The following CNTN5 variants were observed in gnomAD, a reference collection of about 807,000 sequenced individuals.
CNTN5 encodes the protein contactin 5.
Under a neutral mutation model 129.1 loss-of-function variants are expected in CNTN5, and 77 were observed. That is an observed-to-expected ratio of 0.60 (90% CI 0.50 to 0.72). The LOEUF (loss-of-function observed/expected upper bound fraction) is 0.72, where lower values mean the gene tolerates loss of function less well. Among genes scored for constraint, CNTN5 ranks in the 30% least tolerant of loss-of-function variants. CNTN5 has a pLI of 0.00. For synonymous variants in CNTN5, 509 were observed against 465.6 expected, an observed-to-expected ratio of 1.09 and a Z score of -1.20; for missense variants, 1,478 against 1,328.8, an observed-to-expected ratio of 1.11 and a Z score of -1.75.
At chr11:99,954,254 G>GT (rs1368321656) in intron 7 of CNTN5, among the ~76,000 whole-genome samples, 1 of 152,190 alleles carries the variant, frequency 6.6e-6, no homozygotes, top group Non-Finnish European at 1.5e-5. Flanking sequence ...TAGATGCACA[G>GT]TATATCTCAA....
chr11:99,274,271 A>G (rs949957415), intron 1 of CNTN5, among the ~76,000 whole-genome samples: 3 of 151,766 alleles, frequency 2.0e-5, no homozygotes, highest in Admixed American at 6.6e-5. Flanking sequence ...TGAATCTATG[A>G]TATCGTGGTG....
chr11:100,263,007 A>T (rs1950235580), intron 17 of CNTN5, among the ~76,000 whole-genome samples: 1 of 152,174 alleles, frequency 6.6e-6, no homozygotes, highest in South Asian at 2.1e-4. Flanking sequence ...AGATGTTTGC[A>T]TTATAGTTGC....
At chr11:99,991,832 C>A (rs1939120725) in intron 8 of CNTN5, among the ~76,000 whole-genome samples, 1 of 152,104 alleles carries the variant, frequency 6.6e-6, no homozygotes, top group Non-Finnish European at 1.5e-5. Flanking sequence ...AAAGTTTCAA[C>A]CTCAGCTGCC....
intron 6 of CNTN5, among the ~76,000 whole-genome samples, chr11:99,871,117 T>C (rs1948493338): frequency 6.6e-6 from 1 of 152,064 alleles, no homozygotes; most frequent in South Asian, 2.1e-4. Flanking sequence ...AATTTCACAG[T>C]TACATGTTAT....
At chr11:99,679,062 A>G (rs1285212510) in intron 3 of CNTN5, among the ~76,000 whole-genome samples, 1 of 147,164 alleles carries the variant, frequency 6.8e-6, no homozygotes, top group Non-Finnish European at 1.5e-5. Flanking sequence ...ATATACTTAT[A>G]TATGTCTTCT....
chr11:99,723,218 T>TC lies in CNTN5; in HGVS notation c.56-96324dup, dbSNP rs545441251. On this transcript the variant is annotated intron_variant, in intron 3 of 24. Coordinates refer to ENST00000524871, the MANE Select transcript of CNTN5 (RefSeq NM_014361.4). ...CTCCCTTCCTCCCTTTATTATCGATTCCACTTTGGGAAAAAAAAATCCACA... is the reference window on the plus strand; with the variant it reads ...CTCCCTTCCTCCCTTTATTATCGATTCCCACTTTGGGAAAAAAAAATCCACA... 2.6e-3 allele frequency among the ~76,000 whole-genome samples: 378 copies of TC among 147,088 alleles called. 2 individuals are homozygous for TC. The highest frequency in any genetic ancestry group is 7.8e-3 in the African/African-American group (323 of 41,226).
chr11:99,356,039 G>T (rs1280193182), intron 2 of CNTN5, among the ~76,000 whole-genome samples: 1 of 151,820 alleles, frequency 6.6e-6, no homozygotes, highest in African/African-American at 2.4e-5. Flanking sequence ...TGTTAGCCAG[G>T]ATGGTCTCAA....
At chr11:99,673,563 A>G (rs1008940372) in intron 3 of CNTN5, among the ~76,000 whole-genome samples, 12 of 152,078 alleles carry the variant, frequency 7.9e-5, no homozygotes, top group African/African-American at 2.9e-4. Flanking sequence ...CCTTGTATCC[A>G]CTAGTTATTT....
chr11:100,330,057 C>T (rs1327125034), intron 21 of CNTN5, among the ~76,000 whole-genome samples: 1 of 151,998 alleles, frequency 6.6e-6, no homozygotes, highest in Non-Finnish European at 1.5e-5. Context: ...AGGTGAAGGC[C>T]AACTTAAAGT....
chr11:100,215,290 A>G (rs1949115098), intron 15 of CNTN5, among the ~76,000 whole-genome samples: 1 of 151,720 alleles, frequency 6.6e-6, no homozygotes, highest in Non-Finnish European at 1.5e-5. Context: ...TCAGTACCTC[A>G]CTTTTTCCAC....
chr11:99,670,405 T>A (rs894042529), intron 3 of CNTN5, among the ~76,000 whole-genome samples: 8 of 152,152 alleles, frequency 5.3e-5, no homozygotes. Context: ...GCTGTCAACA[T>A]TTCTCACCTT....
intron 1 of CNTN5, among the ~76,000 whole-genome samples, chr11:99,211,615 C>G (rs983474302): frequency 2.0e-5 from 3 of 149,890 alleles, no homozygotes; most frequent in African/African-American, 7.3e-5. Context: ...AGTTTCTTCT[C>G]TTTTTTTAAT....
intron 1 of CNTN5, among the ~76,000 whole-genome samples, chr11:99,312,291 A>C (rs1274634455): frequency 6.6e-6 from 1 of 152,192 alleles, no homozygotes; most frequent in Non-Finnish European, 1.5e-5. Flanking sequence ...CACCGGGGTT[A>C]AAGACAACAT....
intron 1 of CNTN5, among the ~76,000 whole-genome samples, chr11:99,106,634 T>G (rs895501860): frequency 6.6e-6 from 1 of 152,082 alleles, no homozygotes; most frequent in Non-Finnish European, 1.5e-5. Flanking sequence ...CACATTCTTA[T>G]CTGGATGAAT....
intron 3 of CNTN5, among the ~76,000 whole-genome samples, chr11:99,680,860 C>T (rs1953520177): frequency 6.6e-6 from 1 of 151,556 alleles, no homozygotes. Flanking sequence ...TGCTGATGTT[C>T]TTATGCAAAG....
chr11:99,316,001 T>C, intron 1 of CNTN5, among the ~76,000 whole-genome samples: 1 of 152,094 alleles, frequency 6.6e-6, no homozygotes, highest in East Asian at 1.9e-4. Flanking sequence ...ATATGGAAAG[T>C]GGCTGTGGGA....
intron 6 of CNTN5, among the ~76,000 whole-genome samples, chr11:99,915,436 T>G (rs920610781): frequency 6.6e-6 from 1 of 152,180 alleles, no homozygotes; most frequent in Non-Finnish European, 1.5e-5. Context: ...TTTCGTTAAC[T>G]AATACTCCCA....
intron 3 of CNTN5, among the ~76,000 whole-genome samples, chr11:99,760,016 C>T (rs1188359115): frequency 6.6e-6 from 1 of 151,928 alleles, no homozygotes; most frequent in Non-Finnish European, 1.5e-5. Flanking sequence ...AGTGAAATAT[C>T]CAAACAGCAC....
intron 3 of CNTN5, among the ~76,000 whole-genome samples, chr11:99,747,216 AC>A (rs1310674023): frequency 6.6e-6 from 1 of 151,938 alleles, no homozygotes; most frequent in African/African-American, 2.4e-5. Flanking sequence ...ATTTTCTATA[AC>A]TTGTTGTTAG....
Sources: gnomAD v4.1 joint callset for allele counts (sites outside exome capture counted in the v4.1 genomes callset) on GRCh38, gnomAD v4.1.1 for gene constraint, MANE v1.5 for transcripts, NCBI Gene and HGNC (gene_info 2026-07-23, HGNC 2026-07-21) for gene names.